FAM124A: variants seen among roughly 807,000 people sequenced by gnomAD.
The protein encoded by FAM124A is protein FAM124A.
A neutral mutation model predicts 24.5 loss-of-function variants in FAM124A; 23 were observed. The observed-to-expected ratio is 0.94, with a 90% confidence interval of 0.68 to 1.33. FAM124A has a LOEUF of 1.33. Among genes scored for constraint, FAM124A ranks in the 40% most tolerant of loss-of-function variants. The pLI, the probability that FAM124A is intolerant of heterozygous loss-of-function variation, is 0.00. For synonymous variants in FAM124A, 287 were observed against 314.7 expected (o/e 0.91, Z 0.93); for missense variants, 623 against 722.8 (o/e 0.86, Z 1.58).
At chr13:51,227,180 T>TA (rs1210639899) in intron 1 of FAM124A, 4 of 152,222 alleles carry the variant, frequency 2.6e-5, no homozygotes, top group African/African-American at 9.6e-5. Flanking sequence ...CTTAAGTAAT[T>TA]TGATCATTCA....
At chr13:51,234,736 C>T (rs1954416869) in intron 2 of FAM124A, among the ~76,000 whole-genome samples, 1 of 152,142 alleles carries the variant, frequency 6.6e-6, no homozygotes, top group African/African-American at 2.4e-5. Context: ...CTTTTTGACC[C>T]AGCATAAAAA....
intron 3 of FAM124A, among the ~76,000 whole-genome samples, chr13:51,259,429 G>C (rs993749171): frequency 1.3e-5 from 2 of 151,924 alleles, no homozygotes; most frequent in Non-Finnish European, 2.9e-5. Context: ...CCGTGACCCT[G>C]TGTCACTTGG....
rs751561335 is a variant in FAM124A at position 51,280,612 on chromosome 13, A to G, written c.997A>G (p.Thr333Ala). The change falls in exon 4 of 4, where the codon ACA becomes GCA. Residue 333 changes from threonine (T) to alanine (A), a missense_variant. By Grantham distance (58) the Thr-to-Ala change is moderately conservative. Coordinates refer to ENST00000322475, the MANE Select transcript of FAM124A (RefSeq NM_001242312.2). ...CAGTCCTCACCCGGGGCCCATCCGGACAGGCCTGCCTCCTGGGCACCAGCA... is the reference window on the plus strand; with the variant it reads ...CAGTCCTCACCCGGGGCCCATCCGGGCAGGCCTGCCTCCTGGGCACCAGCA... ...LNSPHPGPIR[T>A]GLPPGHQQEF... 2.2e-5 allele frequency: 35 copies of G among 1,614,104 alleles called. No homozygotes were observed. The highest frequency in any genetic ancestry group is 2.2e-4 in the Admixed American group (13 of 60,008).
chr13:51,283,231 CAG>C lies in FAM124A; in HGVS notation c.*1978_*1979del, dbSNP rs1255182699. Reference sequence around the variant, plus strand: ...TAATTTTTTGTATTTTTAGTAGAGACAGAGTTTCACCATGTTGGCCAGGTTGG... The same window carrying C: ...TAATTTTTTGTATTTTTAGTAGAGACAGTTTCACCATGTTGGCCAGGTTGG... On this transcript the variant is annotated 3_prime_UTR_variant, in exon 4 of 4. Transcript: ENST00000322475. 1.3e-5 allele frequency: 2 copies of C among 152,110 alleles called. No individual in the cohort carries two copies. The highest frequency in any genetic ancestry group is 4.8e-5 in the African/African-American group (2 of 41,402). The allele number at this position is 152,110 out of a possible 1,614,324, so 9.4% of individuals were successfully genotyped here.
At position 51,271,515 on chromosome 13, in the gene FAM124A, G is replaced by A. The variant is rs114274617; in HGVS notation, c.835-8935G>A. ...AAAATCAGAAAGTTGGCCCTTGTCC[G>A]GCTGCACATTAATTCAAATCACCTG... On this transcript the variant is annotated intron_variant, in intron 3 of 3. Transcript: ENST00000322475. Among the ~76,000 whole-genome samples, 656 of 152,194 alleles carry A rather than the reference G, an allele frequency of 4.3e-3. 4 individuals are homozygous for A. The highest frequency in any genetic ancestry group is 0.015 in the African/African-American group (608 of 41,526).
intron 3 of FAM124A, among the ~76,000 whole-genome samples, chr13:51,277,025 A>G (rs1954891431): frequency 6.6e-6 from 1 of 152,058 alleles, no homozygotes. Flanking sequence ...AGATAGCTGC[A>G]CTCGTATGTT....
rs572172508 is a variant in FAM124A at position 51,258,214 on chromosome 13, C to T, written c.834+6013C>T. On this transcript the variant is annotated intron_variant, in intron 3 of 3. Coordinates refer to ENST00000322475, the MANE Select transcript of FAM124A (RefSeq NM_001242312.2). The surrounding 1 kb of genome is among the most constrained non-coding windows in gnomAD (Gnocchi z 4.2). Reference sequence around the variant, plus strand: ...ATTGTATTAGGGGCTCACCTTTCTCCAGCATGACCTCATCCTAATTAAGCT... The same window carrying T: ...ATTGTATTAGGGGCTCACCTTTCTCTAGCATGACCTCATCCTAATTAAGCT... 3.9e-5 allele frequency among the ~76,000 whole-genome samples: 6 copies of T among 152,302 alleles called. No homozygotes were observed. The highest frequency in any genetic ancestry group is 1.4e-4 in the African/African-American group (6 of 41,574).
intron 3 of FAM124A, among the ~76,000 whole-genome samples, chr13:51,267,419 A>G (rs1954799338): frequency 1.3e-5 from 2 of 152,170 alleles, no homozygotes; most frequent in African/African-American, 4.8e-5. Flanking sequence ...TTGCAAATAG[A>G]TTTTTCTAGA....
chr13:51,231,441 A>G, intron 2 of FAM124A, 62 bp downstream of exon 2: 1 of 1,555,872 alleles, frequency 6.4e-7, no homozygotes, highest in Non-Finnish European at 8.8e-7. Context: ...TCAGTACCCT[A>G]GAGGCCATGT....
chr13:51,249,292 A>T (rs967709933), intron 2 of FAM124A, among the ~76,000 whole-genome samples: 1 of 152,226 alleles, frequency 6.6e-6, no homozygotes, highest in African/African-American at 2.4e-5. Flanking sequence ...GAATTGCTCT[A>T]TGCTCATATT....
rs2137635114 is a variant in FAM124A at position 51,222,566 on chromosome 13, G to A, written c.65G>A (p.Gly22Glu). ...DDCVDSGAET[G>E]GSDYSHLSST... ...TGCGTGGACTCGGGCGCCGAGACCG[G>A]AGGGTGAGCCGCGCCGGGCCGGGCC... Residue 22 changes from glycine (G) to glutamate (E), a missense_variant, in exon 1 of 4, where the codon GGA becomes GAA. Transcript: ENST00000322475. 1.6e-6 allele frequency: 2 copies of A among 1,226,116 alleles called. No homozygotes were observed. Among genetic ancestry groups the A allele is most frequent in the African/African-American group, 1.6e-5 (1 of 63,914 alleles). 76.0% of individuals were successfully genotyped at this position (1,226,116 alleles called of 1,614,324 possible).
At chr13:51,256,733 C>T (rs995655372) in intron 3 of FAM124A, among the ~76,000 whole-genome samples, 2 of 152,178 alleles carry the variant, frequency 1.3e-5, no homozygotes, top group African/African-American at 4.8e-5. Flanking sequence ...TGTAAGCCTA[C>T]AGTTCAGTGG....
rs1464684874 is a variant in FAM124A at position 51,251,538 on chromosome 13, G to T, written c.171G>T (p.Glu57Asp). The T allele has an allele frequency of 3.9e-6, 6 of 1,525,152 alleles. No individual in the cohort carries two copies. Among genetic ancestry groups the T allele is most frequent in the Non-Finnish European group, 5.3e-6 (6 of 1,135,210 alleles). 94.5% of individuals were successfully genotyped at this position (1,525,152 alleles called of 1,614,324 possible). A position where few individuals can be genotyped will look rare whatever the true frequency, so the allele number is the denominator to read the frequency against. The change falls in exon 3 of 4, where the codon GAG becomes GAT. Residue 57 changes from glutamate (E) to aspartate (D), a missense_variant. By Grantham distance (45) the Glu-to-Asp change is conservative. Transcript: ENST00000322475. The surrounding 1 kb of genome is among the most constrained non-coding windows in gnomAD (Gnocchi z 5.3). ...VSIHIIADPG[E>D]SQPLQEAIDN... ...TCCACATAATCGCAGACCCAGGGGA[G>T]TCCCAGCCCCTGCAGGAGGCCATCG...
At chr13:51,266,430 G>C (rs551831275) in intron 3 of FAM124A, among the ~76,000 whole-genome samples, 29 of 152,218 alleles carry the variant, frequency 1.9e-4, no homozygotes, top group African/African-American at 7.0e-4. Context: ...AGCCAGTTCA[G>C]TTAGCAGGGA....
Position 51,238,218 on chromosome 13 carries a change from C to T in FAM124A, c.100+6839C>T, listed in dbSNP as rs781233980. Reference sequence around the variant, plus strand: ...GGAAGGTGTTAATGGCCTGGTAGAGCGTATAAAATCACCAAACTGGAAAAT... The same window carrying T: ...GGAAGGTGTTAATGGCCTGGTAGAGTGTATAAAATCACCAAACTGGAAAAT... On this transcript the variant is annotated intron_variant, in intron 2 of 3. Coordinates refer to ENST00000322475, the MANE Select transcript of FAM124A (RefSeq NM_001242312.2). Among the ~76,000 whole-genome samples the T allele has an allele frequency of 2.7e-4, 41 of 152,144 alleles. 1 individual carries two copies. Among genetic ancestry groups the T allele is most frequent in the Non-Finnish European group, 1.5e-4 (10 of 68,034 alleles).
chr13:51,264,295 C>T (rs903691340), intron 3 of FAM124A, among the ~76,000 whole-genome samples: 2 of 152,228 alleles, frequency 1.3e-5, no homozygotes, highest in African/African-American at 4.8e-5. Context: ...CTCTCCCTGC[C>T]AGTTGTCCAT....
At chr13:51,246,955 T>A (rs1954571054) in intron 2 of FAM124A, among the ~76,000 whole-genome samples, 1 of 152,218 alleles carries the variant, frequency 6.6e-6, no homozygotes, top group Non-Finnish European at 1.5e-5. Context: ...TGCATTCCTT[T>A]CACTTGTGCA....
chr13:51,222,468 C>T lies in FAM124A; in HGVS notation c.-34C>T. The T allele has an allele frequency of 1.7e-6, 2 of 1,204,042 alleles. No individual in the cohort carries two copies. The highest frequency in any genetic ancestry group is 4.0e-5 in the South Asian group (1 of 25,106). The allele number at this position is 1,204,042 out of a possible 1,614,324, so 74.6% of individuals were successfully genotyped here. On this transcript the variant is annotated 5_prime_UTR_variant, in exon 1 of 4. Coordinates refer to ENST00000322475, the MANE Select transcript of FAM124A (RefSeq NM_001242312.2). ...GGGAGGGCGCCCCGGGTCACGACGG[C>T]GCCCGCAAGCCGAGCGCGGCCGGGA...
At chr13:51,224,651 T>C (rs1473903991) in intron 1 of FAM124A, among the ~76,000 whole-genome samples, 1 of 152,174 alleles carries the variant, frequency 6.6e-6, no homozygotes. Context: ...CCCCACCCCT[T>C]ACCCTATCCA....
Sources: gnomAD v4.1 joint callset for allele counts (sites outside exome capture counted in the v4.1 genomes callset) on GRCh38, gnomAD v4.1.1 for gene constraint, Gnocchi (gnomAD v3.1) non-coding constraint, MANE v1.5 for transcripts, NCBI Gene and HGNC (gene_info 2026-07-23, HGNC 2026-07-21) for gene names.